PCNX4: variants seen among roughly 807,000 people sequenced by gnomAD.
The protein encoded by PCNX4 is pecanex-like protein 4.
A neutral mutation model predicts 107.2 loss-of-function variants in PCNX4; 103 were observed. The observed-to-expected ratio is 0.96, with a 90% CI of 0.82 to 1.13. The LOEUF is 1.13. Among genes scored for constraint, PCNX4 ranks in the 50% most tolerant of loss-of-function variants. The pLI is 0.00. For synonymous variants in PCNX4, 541 were observed against 481.7 expected (o/e 1.12, Z -1.61); for missense variants, 1,528 against 1,379.4 (o/e 1.11, Z -1.71).
At chr14:60,099,487 T>G (rs1356490825) in intron 1 of PCNX4, among the ~76,000 whole-genome samples, 1 of 152,286 alleles carries the variant, frequency 6.6e-6, no homozygotes, top group Admixed American at 6.5e-5. Context: ...TAATGAAAAT[T>G]GAAAGAATTC....
intron 1 of PCNX4, among the ~76,000 whole-genome samples, chr14:60,097,623 C>A (rs1162425574): frequency 6.6e-6 from 1 of 152,154 alleles, no homozygotes; most frequent in Non-Finnish European, 1.5e-5. Context: ...ACCAATCAGG[C>A]CTAGTAAGAG....
intron 6 of PCNX4, among the ~76,000 whole-genome samples, chr14:60,117,909 C>T (rs1895880983): frequency 6.6e-6 from 1 of 151,938 alleles, no homozygotes; most frequent in African/African-American, 2.4e-5. Context: ...GCCATCTGAG[C>T]CTCAGCTTCT....
At chr14:60,102,881 A>G (rs991840613) in intron 1 of PCNX4, among the ~76,000 whole-genome samples, 4 of 152,212 alleles carry the variant, frequency 2.6e-5, no homozygotes, top group Non-Finnish European at 5.9e-5. Flanking sequence ...ATTTCTTTGT[A>G]TAAATGAAAC....
In PCNX4 at chr14:60,124,241, C is replaced by T; in HGVS notation, c.2070C>T (p.Ser690=). The change falls in exon 9 of 11, where the codon TCC becomes TCT. Residue 690 remains serine (S), a synonymous_variant. Coordinates refer to ENST00000406854, the MANE Select transcript of PCNX4 (RefSeq NM_001330177.2). The part of the protein sequence containing the change: ...NIKGLELQET[S]CHTAEARRVD... ...AGGGGTTAGAATTGCAGGAAACATC[C>T]TGTCATACTGCAGAAGCTCGCAGAG... is the stretch of plus-strand genomic sequence containing the variant. 2 of 1,592,168 alleles carry T rather than the reference C, an allele frequency of 1.3e-6. No individual in the cohort carries two copies. The highest frequency in any genetic ancestry group is 1.1e-5 in the South Asian group (1 of 87,538).
Position 60,116,035 on chromosome 14 carries a change from T to G in PCNX4, c.1553T>G (p.Leu518Arg). The change falls in exon 6 of 11, where the codon CTG becomes CGG. Residue 518 changes from leucine (L) to arginine (R), a missense_variant. Leu to Arg is a moderately radical substitution (Grantham distance 102). Coordinates refer to ENST00000406854, the MANE Select transcript of PCNX4 (RefSeq NM_001330177.2). ...SSTDIWWNRS[L>R]DTGLRLLLVG... ...ACAGACATATGGTGGAACAGAAGCC[T>G]GGATACAGGACTCAGACTCTTACTG... 1 of 1,611,956 alleles carries G rather than the reference T, an allele frequency of 6.2e-7. No individual in the cohort carries two copies. The highest frequency in any genetic ancestry group is 8.5e-7 in the Non-Finnish European group (1 of 1,178,978).
chr14:60,105,581 A>C (rs980638318), intron 1 of PCNX4, among the ~76,000 whole-genome samples: 1 of 152,172 alleles, frequency 6.6e-6, no homozygotes, highest in Admixed American at 6.5e-5. Context: ...TTTATTTTTC[A>C]GTATATCATG....
intron 1 of PCNX4, among the ~76,000 whole-genome samples, chr14:60,093,787 T>A (rs1566927546): frequency 6.6e-6 from 1 of 152,250 alleles, no homozygotes; most frequent in Non-Finnish European, 1.5e-5. Context: ...AAAGGAGCTG[T>A]ATCATTTTAC....
chr14:60,132,337 T>A (rs1052161697), intron 10 of PCNX4, among the ~76,000 whole-genome samples: 1 of 152,214 alleles, frequency 6.6e-6, no homozygotes, highest in Non-Finnish European at 1.5e-5. Flanking sequence ...TGATCTCATC[T>A]CTAAATCTTT....
chr14:60,141,878 G>C lies in PCNX4; in HGVS notation c.*7657G>C, dbSNP rs1042536730. The C allele has an allele frequency of 2.0e-5, 3 of 152,062 alleles. No individual in the cohort carries two copies. Among genetic ancestry groups the C allele is most frequent in the African/African-American group, 7.2e-5 (3 of 41,390 alleles). 9.4% of individuals were successfully genotyped at this position (152,062 alleles called of 1,614,324 possible). On this transcript the variant is annotated 3_prime_UTR_variant, in exon 11 of 11. Coordinates refer to ENST00000406854, the MANE Select transcript of PCNX4 (RefSeq NM_001330177.2). ...TGGACATAAGCTTTCATTTCTCTTGGGCAAATACCTAGGACTGGGATGGCT... is the reference window on the plus strand; with the variant it reads ...TGGACATAAGCTTTCATTTCTCTTGCGCAAATACCTAGGACTGGGATGGCT...
intron 7 of PCNX4, 38 bp downstream of exon 7, chr14:60,118,730 T>C (rs560235966): frequency 1.3e-6 from 2 of 1,512,272 alleles, no homozygotes; most frequent in East Asian, 2.3e-5. Context: ...TTCTCACTAA[T>C]GTATTTAAAG....
chr14:60,113,157 G>A (rs1895772529), intron 2 of PCNX4, among the ~76,000 whole-genome samples: 1 of 152,174 alleles, frequency 6.6e-6, no homozygotes. Context: ...CTCCATCCTG[G>A]GGACAGAGCG....
At position 60,147,392 on chromosome 14, in the gene PCNX4, CCA is replaced by C. The variant is rs1896434264; in HGVS notation, c.*13178_*13179del. ...GCTAAGAAGATTTTAAGTGTTCTCA[CCA>C]CACACAAAAAAAGGTAACTGGGTGA... is the stretch of plus-strand genomic sequence containing the variant. On this transcript the variant is annotated 3_prime_UTR_variant, in exon 11 of 11. Coordinates refer to ENST00000406854, the MANE Select transcript of PCNX4 (RefSeq NM_001330177.2). The C allele has an allele frequency of 6.6e-6, 1 of 152,054 alleles. No homozygotes were observed. Among genetic ancestry groups the C allele is most frequent in the Non-Finnish European group, 1.5e-5 (1 of 68,002 alleles). The allele number at this position is 152,054 out of a possible 1,614,324, so 9.4% of individuals were successfully genotyped here.
rs780824813 is a variant in PCNX4 at position 60,124,970 on chromosome 14, T to G, written c.2799T>G (p.Phe933Leu). 1 of 1,613,872 alleles carries G rather than the reference T, an allele frequency of 6.2e-7. No individual in the cohort carries two copies. The highest frequency in any genetic ancestry group is 1.3e-5 in the African/African-American group (1 of 75,040). The change falls in exon 9 of 11, where the codon TTT becomes TTG. Residue 933 changes from phenylalanine to leucine, a missense_variant. Transcript: ENST00000406854. The stretch of plus-strand genomic sequence containing the variant: ...AAATGAAGGAGATGAGCTCGTTATT[T>G]CCAGAAGACTGGTACCAATTTGTTC... ...SSKMKEMSSL[F>L]PEDWYQFVLR...
At chr14:60,101,765 A>G (rs1003795356) in intron 1 of PCNX4, among the ~76,000 whole-genome samples, 1 of 152,246 alleles carries the variant, frequency 6.6e-6, no homozygotes, top group Non-Finnish European at 1.5e-5. Flanking sequence ...TTTATACAAA[A>G]TAATTGAAAT....
At chr14:60,114,212 G>A (rs1179885146) in intron 2 of PCNX4, among the ~76,000 whole-genome samples, 1 of 152,192 alleles carries the variant, frequency 6.6e-6, no homozygotes, top group Non-Finnish European at 1.5e-5. Context: ...TTTCTTAGCT[G>A]CTAATGTATG....
At chr14:60,113,409 C>T (rs982523968) in intron 2 of PCNX4, among the ~76,000 whole-genome samples, 10 of 152,070 alleles carry the variant, frequency 6.6e-5, no homozygotes, top group Non-Finnish European at 1.2e-4. Context: ...GCTCTTGTTG[C>T]CCAGGCTGGA....
rs746256861 is a variant in PCNX4 at position 60,124,985 on chromosome 14, C to G, written c.2814C>G (p.Tyr938Ter). ...EMSSLFPEDW[Y>*]QFVLRQLECY... ...GCTCGTTATTTCCAGAAGACTGGTACCAATTTGTTCTAAGGCAGTTGGAAT... is the reference window on the plus strand; with the variant it reads ...GCTCGTTATTTCCAGAAGACTGGTAGCAATTTGTTCTAAGGCAGTTGGAAT... Residue 938 changes from tyrosine to a stop codon, truncating the protein, a stop_gained, in exon 9 of 11, where the codon TAC becomes TAG. Coordinates refer to ENST00000406854, the MANE Select transcript of PCNX4 (RefSeq NM_001330177.2). LOFTEE classifies it high-confidence loss of function. 1.9e-6 allele frequency: 3 copies of G among 1,613,790 alleles called. No individual in the cohort carries two copies. The highest frequency in any genetic ancestry group is 2.5e-6 in the Non-Finnish European group (3 of 1,179,762).
At chr14:60,103,125 T>G (rs569888246) in intron 1 of PCNX4, among the ~76,000 whole-genome samples, 1 of 152,332 alleles carries the variant, frequency 6.6e-6, no homozygotes, top group South Asian at 2.1e-4. Flanking sequence ...AGTTTTTTCC[T>G]TGTGTACCTC....
At chr14:60,104,318 CAAAAAAAAAAAAAAAAAA>C (rs200434027) in intron 1 of PCNX4, among the ~76,000 whole-genome samples, 7 of 129,512 alleles carry the variant, frequency 5.4e-5, no homozygotes, top group Admixed American at 2.9e-4. Context: ...GACTCCATCT[CAAAAAAAAAAAAAAAAAA>C]AAAAAAAAAA....
Sources: allele counts gnomAD v4.1 joint callset (sites outside exome capture counted in the v4.1 genomes callset), GRCh38; gene constraint gnomAD v4.1.1; transcripts MANE v1.5; gene names NCBI Gene and HGNC (gene_info 2026-07-23, HGNC 2026-07-21).